The following RASGEF1B variants were observed in gnomAD, a reference collection of about 807,000 sequenced individuals.
The protein encoded by RASGEF1B is ras-GEF domain-containing family member 1B.
A neutral mutation model predicts 65.7 loss-of-function variants in RASGEF1B; 30 were observed. The observed-to-expected ratio is 0.46, with a 90% CI of 0.34 to 0.62. The LOEUF (loss-of-function observed/expected upper bound fraction) is 0.62, where lower values mean the gene tolerates loss of function less well. Ranked by LOEUF, RASGEF1B falls within the 20% of genes least tolerant of loss-of-function variation. The pLI is 0.01. For synonymous variants in RASGEF1B, 175 were observed against 194.8 expected, an observed-to-expected ratio of 0.90 and a Z score of 0.85; for missense variants, 495 against 580.1, an observed-to-expected ratio of 0.85 and a Z score of 1.51.
intron 8 of RASGEF1B, among the ~76,000 whole-genome samples, chr4:81,444,908 G>T (rs1317574142): frequency 6.6e-6 from 1 of 152,120 alleles, no homozygotes; most frequent in South Asian, 2.1e-4. Context: ...TACAAACTAG[G>T]ACACTTTTTA....
intron 1 of RASGEF1B, among the ~76,000 whole-genome samples, chr4:81,463,918 G>A (rs1251160384): frequency 6.6e-6 from 1 of 152,116 alleles, no homozygotes. Context: ...TCAAAGTGCT[G>A]GGCATGAGAA....
chr4:81,462,988 G>A (rs1175412319), intron 1 of RASGEF1B, among the ~76,000 whole-genome samples: 1 of 152,156 alleles, frequency 6.6e-6, no homozygotes, highest in African/African-American at 2.4e-5. Flanking sequence ...AGGGACAGGT[G>A]GGGTAGGGTT....
intron 10 of RASGEF1B, among the ~76,000 whole-genome samples, chr4:81,435,090 G>A (rs1317662681): frequency 6.6e-6 from 1 of 152,070 alleles, no homozygotes; most frequent in Non-Finnish European, 1.5e-5. Flanking sequence ...CTTTCACTTA[G>A]CAACCCCTTA....
chr4:81,465,084 CAA>C (rs113774656), intron 1 of RASGEF1B, among the ~76,000 whole-genome samples: 32 of 91,696 alleles, frequency 3.5e-4, no homozygotes, highest in Admixed American at 3.6e-4. Flanking sequence ...AACTCCATCT[CAA>C]AAAAAAAAAA....
rs144808705 is a variant in RASGEF1B, at chr4:81,457,565, C to T, written c.234G>A (p.Glu78=). 81 of 1,614,054 alleles carry T rather than the reference C, an allele frequency of 5.0e-5. No homozygotes were observed. Among genetic ancestry groups the T allele is most frequent in the Middle Eastern group, 1.6e-4 (1 of 6,062 alleles). The change falls in exon 3 of 14, where the codon GAG becomes GAA. Residue 78 remains glutamate, a synonymous_variant. Coordinates refer to ENST00000264400, the MANE Select transcript of RASGEF1B (RefSeq NM_152545.3). The part of the protein sequence containing the change: ...LSSRLFMHPY[E]LMAKVCHLCV... Reference sequence around the variant, plus strand: ...ATAAGTGGCAAACTTTGGCCATTAGCTCATACGGATGCATAAATAACCGAG... The same window carrying T: ...ATAAGTGGCAAACTTTGGCCATTAGTTCATACGGATGCATAAATAACCGAG...
intron 1 of RASGEF1B, among the ~76,000 whole-genome samples, chr4:81,466,505 A>G (rs1462751715): frequency 1.3e-5 from 2 of 152,188 alleles, no homozygotes; most frequent in East Asian, 3.9e-4. Context: ...CACGCCTGTA[A>G]TCCCAGCTCT....
At chr4:81,452,129 AG>A (rs1166035781) in intron 4 of RASGEF1B, 1 of 152,368 alleles carries the variant, frequency 6.6e-6, no homozygotes, top group Non-Finnish European at 1.5e-5. Context: ...TTTTTTCTTG[AG>A]GCGGAGTTTC....
chr4:81,442,103 T>C (rs1228179434), intron 9 of RASGEF1B, among the ~76,000 whole-genome samples, 194 bp downstream of exon 9: 5 of 152,154 alleles, frequency 3.3e-5, no homozygotes, highest in Admixed American at 3.3e-4. Flanking sequence ...TGGACATCTC[T>C]ACCTATAAAG....
At chr4:81,428,436 A>C (rs1294191997) in intron 13 of RASGEF1B, among the ~76,000 whole-genome samples, 1 of 152,258 alleles carries the variant, frequency 6.6e-6, no homozygotes, top group Non-Finnish European at 1.5e-5. Flanking sequence ...GAAACAAAAA[A>C]TATGGGTCTG....
Position 81,434,487 on chromosome 4 carries a change from G to T in RASGEF1B, c.1200+152C>A, listed in dbSNP as rs1170596220. The T allele has an allele frequency of 4.5e-6, 3 of 671,450 alleles. No individual in the cohort carries two copies. In the African/African-American group the frequency reaches 5.4e-5, roughly 12 times the overall value. The allele number at this position is 671,450 out of a possible 1,614,324, so 41.6% of individuals were successfully genotyped here. A position where few individuals can be genotyped will look rare whatever the true frequency, so the allele number is the denominator to read the frequency against. The stretch of plus-strand genomic sequence containing the variant: ...TGGCTCAGCTATTCTCTTCTACTTG[G>T]TATTGTTAATTTCTAACAAAATAAT... On this transcript the variant is annotated intron_variant, in intron 11 of 13. Coordinates refer to ENST00000264400, the MANE Select transcript of RASGEF1B (RefSeq NM_152545.3).
At position 81,448,172 on chromosome 4, in the gene RASGEF1B, C is replaced by T. The variant is rs371591001; in HGVS notation, c.551G>A (p.Arg184Gln). Residue 184 changes from arginine (R) to glutamine (Q), a missense_variant, in exon 5 of 14, where the codon CGG becomes CAG. Coordinates refer to ENST00000264400, the MANE Select transcript of RASGEF1B (RefSeq NM_152545.3). ...LAKISSTSTD[R>Q]LTVLKTKPQS... ...TGGCTTGGTCTTGAGAACTGTGAGC[C>T]GATCTGTGGATGTGGAGCTGATTTT... 7.4e-6 allele frequency: 12 copies of T among 1,613,948 alleles called. No individual in the cohort carries two copies. The highest frequency in any genetic ancestry group is 1.7e-5 in the Admixed American group (1 of 59,978).
Position 81,443,973 on chromosome 4 carries a change from G to C in RASGEF1B, c.928+1553C>G, listed in dbSNP as rs528486546. ...AGTTTTTAAAATTCCAGTCATTCTA[G>C]TGTATGCAATGGTATTAATATTTTG... On this transcript the variant is annotated intron_variant, in intron 8 of 13. Transcript: ENST00000264400. 2.6e-5 allele frequency among the ~76,000 whole-genome samples: 4 copies of C among 152,282 alleles called. No homozygotes were observed. The South Asian group carries it at 8.3e-4, about 32-fold the overall frequency.
chr4:81,457,166 G>A (rs570583128), intron 3 of RASGEF1B, among the ~76,000 whole-genome samples: 6 of 152,188 alleles, frequency 3.9e-5, no homozygotes, highest in South Asian at 4.2e-4. Context: ...ACAGGCATGC[G>A]CCACCAGGGC....
At chr4:81,466,762 A>AG (rs1722827632) in intron 1 of RASGEF1B, among the ~76,000 whole-genome samples, 1 of 50,906 alleles carries the variant, frequency 2.0e-5, no homozygotes, top group Non-Finnish European at 3.9e-5. Context: ...CCATGTCAAA[A>AG]AAAAAAAAAA....
intron 10 of RASGEF1B, among the ~76,000 whole-genome samples, chr4:81,436,328 C>T (rs1469944362): frequency 6.6e-6 from 1 of 152,034 alleles, no homozygotes; most frequent in African/African-American, 2.4e-5. Context: ...CTAAGAAGTA[C>T]CTTGCATAAT....
At chr4:81,447,032 C>A (rs1722050925) in intron 6 of RASGEF1B, among the ~76,000 whole-genome samples, 1 of 152,156 alleles carries the variant, frequency 6.6e-6, no homozygotes, top group Non-Finnish European at 1.5e-5. Context: ...TGGGCTGCAC[C>A]TAGGCAATAA....
chr4:81,440,340 T>C (rs1721792863), intron 10 of RASGEF1B, among the ~76,000 whole-genome samples: 1 of 152,208 alleles, frequency 6.6e-6, no homozygotes, highest in Non-Finnish European at 1.5e-5. Flanking sequence ...ACATGACCCC[T>C]GTACTTTTTC....
At position 81,433,949 on chromosome 4, in the gene RASGEF1B, C is replaced by A. The variant is rs201033737; in HGVS notation, c.1215G>T (p.Leu405=). The change falls in exon 12 of 14, where the codon CTG becomes CTT. Residue 405 remains leucine (L), a synonymous_variant. Coordinates refer to ENST00000264400, the MANE Select transcript of RASGEF1B (RefSeq NM_152545.3). ...GHVNFEKFWE[L]AKQVSEFMTW... ...TCATAAATTCACTCACTTGTTTGGC[C>A]AGTTCCCAAAATTTCTGGAAGATAA... 3.1e-6 allele frequency: 5 copies of A among 1,613,344 alleles called. No homozygotes were observed. The African/African-American group carries it at 5.3e-5, about 17-fold the overall frequency.
In RASGEF1B at chr4:81,456,657, G is replaced by A. The variant is rs537392192; in HGVS notation, c.432C>T (p.Gly144=). The A allele has an allele frequency of 2.2e-5, 36 of 1,614,068 alleles. No individual in the cohort carries two copies. Among genetic ancestry groups the A allele is most frequent in the Middle Eastern group, 3.3e-4 (2 of 6,062 alleles). The stretch of plus-strand genomic sequence containing the variant: ...CTAAATTCAGGTTACCAACCTCTTC[G>A]CCACTGGCTATTCGGTGAGCCAGAT... The part of the protein sequence containing the change: ...LKDLAHRIAS[G]EEQTYRKNVQ... The change falls in exon 4 of 14, where the codon GGC becomes GGT. Residue 144 remains glycine, a synonymous_variant. Coordinates refer to ENST00000264400, the MANE Select transcript of RASGEF1B (RefSeq NM_152545.3).
Sources: gnomAD v4.1 joint callset for allele counts (sites outside exome capture counted in the v4.1 genomes callset) on GRCh38, gnomAD v4.1.1 for gene constraint, MANE v1.5 for transcripts, NCBI Gene and HGNC (gene_info 2026-07-23, HGNC 2026-07-21) for gene names.